The following MYO1B variants were observed in gnomAD, a reference collection of about 807,000 sequenced individuals.
The protein encoded by MYO1B is unconventional myosin-Ib.
MYO1B carries 72 observed loss-of-function variants against 159.7 expected under a neutral mutation model. The observed-to-expected ratio is 0.45, with a 90% CI of 0.37 to 0.55. The LOEUF (loss-of-function observed/expected upper bound fraction) is 0.55, where lower values mean the gene tolerates loss of function less well. MYO1B is among the 20% of genes least tolerant of loss of function. The probability of loss-of-function intolerance (pLI) is 0.00; values close to 1 mark genes in which losing one functional copy is unlikely to be tolerated. For missense variants in MYO1B, 1,062 were observed against 1,364.8 expected (o/e 0.78, Z 3.50); for synonymous variants, 468 against 473.8 (o/e 0.99, Z 0.16).
At chr2:191,277,083 G>A in intron 2 of MYO1B, 53 bp downstream of exon 2, 1 of 1,580,042 alleles carries the variant, frequency 6.3e-7, no homozygotes, top group Non-Finnish European at 8.6e-7. Context: ...TTTTGTGCCA[G>A]AGAGCTGTCT....
Position 191,414,053 on chromosome 2 carries a change from G to A in MYO1B, c.2879G>A (p.Gly960Glu). Residue 960 changes from glycine (G) to glutamate (E), a missense_variant, in exon 28 of 31, where the codon GGG becomes GAG. By Grantham distance (98) the Gly-to-Glu change is moderately conservative (BLOSUM62 -2). Around this residue, in one of 5 missense-constraint regions of MYO1B, gnomAD observed 609 missense variants for 744.4 expected, o/e 0.82. Transcript: ENST00000392318. ...CAGGAATTTTTTTCCTTTAGTGTTG[G>A]GCAACCATTCCAAGGGGCTTACCTG... ...DKKALYPSSV[G>E]QPFQGAYLEI... 7.5e-6 allele frequency: 12 copies of A among 1,599,390 alleles called. No homozygotes were observed. The highest frequency in any genetic ancestry group is 1.0e-5 in the Non-Finnish European group (12 of 1,174,470).
At chr2:191,373,165 A>G (rs566002902) in intron 13 of MYO1B, among the ~76,000 whole-genome samples, 1 of 151,906 alleles carries the variant, frequency 6.6e-6, no homozygotes, top group East Asian at 1.9e-4. Context: ...CCTGTGTTAC[A>G]TTTCTAAATA....
At chr2:191,327,278 T>C (rs995359286) in intron 3 of MYO1B, among the ~76,000 whole-genome samples, 28 of 152,220 alleles carry the variant, frequency 1.8e-4, no homozygotes, top group African/African-American at 6.8e-4. Context: ...TTTATGTCTC[T>C]GTGGCATAAA....
At position 191,418,457 on chromosome 2, in the gene MYO1B, C is replaced by T. The variant is rs897111523; in HGVS notation, c.3287+2215C>T. On this transcript the variant is annotated intron_variant, in intron 30 of 30. Coordinates refer to ENST00000392318, the MANE Select transcript of MYO1B (RefSeq NM_001130158.3). Reference sequence around the variant, plus strand: ...GGATGTCAGTTTATGGAAAGAGAGTCAAAGTCCTGTTTACTCTTTAGTGGA... The same window carrying T: ...GGATGTCAGTTTATGGAAAGAGAGTTAAAGTCCTGTTTACTCTTTAGTGGA... Among the ~76,000 whole-genome samples the T allele has an allele frequency of 5.6e-5, 8 of 142,036 alleles. No individual in the cohort carries two copies. In the East Asian group the frequency reaches 1.7e-3, roughly 30 times the overall value. 93.2% of individuals were successfully genotyped at this position (142,036 alleles called of 152,430 possible). A position where few individuals can be genotyped will look rare whatever the true frequency, so the allele number is the denominator to read the frequency against.
chr2:191,387,989 C>A (rs768165571), intron 17 of MYO1B: 7 of 160,910 alleles, frequency 4.4e-5, no homozygotes, highest in Non-Finnish European at 8.2e-5. Flanking sequence ...AGTAGAAAGA[C>A]CTTCTTAAAA....
intron 15 of MYO1B, among the ~76,000 whole-genome samples, chr2:191,384,483 T>C (rs1215984490): frequency 2.6e-5 from 4 of 152,218 alleles, no homozygotes; most frequent in Non-Finnish European, 4.4e-5. Flanking sequence ...CTGATTAAAT[T>C]AAACAATATT....
At chr2:191,422,123 A>G (rs768889463) in intron 30 of MYO1B, among the ~76,000 whole-genome samples, 14 of 152,178 alleles carry the variant, frequency 9.2e-5, no homozygotes, top group Non-Finnish European at 1.8e-4. Flanking sequence ...GGATCCTCAC[A>G]TCGCTGGGGG....
intron 1 of MYO1B, among the ~76,000 whole-genome samples, chr2:191,270,682 G>A (rs1687403371): frequency 6.6e-6 from 1 of 152,140 alleles, no homozygotes; most frequent in Non-Finnish European, 1.5e-5. Flanking sequence ...CTACAGACTT[G>A]GCTCCTCTTT....
intron 18 of MYO1B, among the ~76,000 whole-genome samples, chr2:191,390,801 A>C (rs1695700212): frequency 6.6e-6 from 1 of 152,242 alleles, no homozygotes; most frequent in Non-Finnish European, 1.5e-5. Context: ...AATTAGAGAC[A>C]GGTTGGATTA....
intron 3 of MYO1B, among the ~76,000 whole-genome samples, chr2:191,323,976 A>G (rs1182918648): frequency 6.6e-6 from 1 of 152,154 alleles, no homozygotes; most frequent in Non-Finnish European, 1.5e-5. Flanking sequence ...GCCATCTGTC[A>G]TGCTATGGCA....
At chr2:191,304,358 G>C (rs1042769089) in intron 3 of MYO1B, among the ~76,000 whole-genome samples, 1 of 152,158 alleles carries the variant, frequency 6.6e-6, no homozygotes, top group Admixed American at 6.5e-5. Flanking sequence ...ATCACCTGAG[G>C]TTGGGAGTTC....
intron 20 of MYO1B, among the ~76,000 whole-genome samples, chr2:191,393,963 C>CCTCTTATTCCTCCTTTCTTAT (rs1695917530): frequency 6.6e-6 from 1 of 152,154 alleles, no homozygotes; most frequent in Non-Finnish European, 1.5e-5. Flanking sequence ...TTCTTATATT[C>CCTCTTATTCCTCCTTTCTTAT]TTCCTCTTTT....
chr2:191,389,329 T>TTCACA (rs1695598267), intron 17 of MYO1B, among the ~76,000 whole-genome samples: 1 of 152,260 alleles, frequency 6.6e-6, no homozygotes, highest in Admixed American at 6.5e-5. Context: ...ACACAGGGAT[T>TTCACA]GCTGCAGTAT....
At chr2:191,323,673 A>G (rs758472412) in intron 3 of MYO1B, among the ~76,000 whole-genome samples, 4 of 152,178 alleles carry the variant, frequency 2.6e-5, no homozygotes, top group Non-Finnish European at 4.4e-5. Context: ...ACTAAAATGC[A>G]TATTCATCAT....
chr2:191,418,929 G>C (rs1056858386), intron 30 of MYO1B, among the ~76,000 whole-genome samples: 1 of 152,230 alleles, frequency 6.6e-6, no homozygotes, highest in East Asian at 1.9e-4. Context: ...TAACCTGCAA[G>C]ATGTGTAATG....
chr2:191,341,188 A>G (rs1692199902), intron 4 of MYO1B, among the ~76,000 whole-genome samples: 1 of 152,140 alleles, frequency 6.6e-6, no homozygotes, highest in African/African-American at 2.4e-5. Flanking sequence ...TAAGAAGATA[A>G]TTCTGATATT....
chr2:191,361,765 A>G (rs1370316848), intron 8 of MYO1B, among the ~76,000 whole-genome samples: 6 of 152,062 alleles, frequency 3.9e-5, no homozygotes, highest in African/African-American at 1.4e-4. Context: ...AGGACCTCTT[A>G]TAATCAGAGC....
chr2:191,246,098 C>G (rs1422577666), intron 1 of MYO1B: 1 of 152,320 alleles, frequency 6.6e-6, no homozygotes, highest in Non-Finnish European at 1.5e-5. Context: ...TGTGCCCCGG[C>G]GGCGGCGGGG....
chr2:191,298,877 G>T (rs1689141424), intron 3 of MYO1B, among the ~76,000 whole-genome samples: 2 of 152,060 alleles, frequency 1.3e-5, no homozygotes, highest in South Asian at 4.2e-4. Flanking sequence ...AACATTGGTT[G>T]CCCCTCTTAG....
Sources: gnomAD v4.1 joint callset for allele counts (sites outside exome capture counted in the v4.1 genomes callset) on GRCh38, gnomAD v4.1.1 for gene constraint, gnomAD v4.1.1 regional missense constraint, MANE v1.5 for transcripts, NCBI Gene and HGNC (gene_info 2026-07-23, HGNC 2026-07-21) for gene names.